The following PAH variants were observed in gnomAD, a reference collection of about 807,000 sequenced individuals.
PAH encodes phenylalanine-4-hydroxylase.
A neutral mutation model predicts 62.0 loss-of-function variants in PAH; 64 were observed. That is an observed-to-expected ratio of 1.03 (90% CI 0.84 to 1.27). The LOEUF is 1.27. Ranked by LOEUF, PAH falls within the 50% of genes most tolerant of loss-of-function variation. The probability of loss-of-function intolerance (pLI) is 0.00; values close to 1 mark genes in which losing one functional copy is unlikely to be tolerated. For synonymous variants in PAH, 195 were observed against 196.2 expected (o/e 0.99, Z 0.05); for missense variants, 579 against 542.8 (o/e 1.07, Z -0.66).
In PAH at chr12:102,912,779, T is replaced by G. The variant is rs752249311; in HGVS notation, c.168+12A>C. 1 of 1,552,338 alleles carries G rather than the reference T, an allele frequency of 6.4e-7. No individual in the cohort carries two copies. The highest frequency in any genetic ancestry group is 2.2e-5 in the East Asian group (1 of 44,516). On this transcript the variant is annotated intron_variant, in intron 2 of 12. Transcript: ENST00000553106. Reference sequence around the variant, plus strand: ...CGACATTATCCAAGACAAACATGATTGTAGCACTGACCTCAAATAAGCGCA... The same window carrying G: ...CGACATTATCCAAGACAAACATGATGGTAGCACTGACCTCAAATAAGCGCA...
chr12:102,884,292 G>A (rs1184540202), intron 3 of PAH, among the ~76,000 whole-genome samples: 1 of 152,172 alleles, frequency 6.6e-6, no homozygotes, highest in African/African-American at 2.4e-5. Context: ...GGGGACTGGG[G>A]GTCGATCCCT....
upstream of PAH, chr12:102,953,384 A>T (rs1159763595): frequency 1.3e-5 from 2 of 152,232 alleles, no homozygotes; most frequent in Non-Finnish European, 2.9e-5. Flanking sequence ...GAAAGCATAA[A>T]TTGGTTTTCA....
rs1428399962 is a variant in PAH at position 102,861,920 on chromosome 12, G to A, written c.509+4676C>T. Among the ~76,000 whole-genome samples the A allele has an allele frequency of 5.6e-5, 8 of 142,428 alleles. No individual in the cohort carries two copies. In the South Asian group the frequency reaches 8.9e-4, roughly 16 times the overall value. The allele number at this position is 142,428 out of a possible 152,430, so 93.4% of individuals were successfully genotyped here. On this transcript the variant is annotated intron_variant, in intron 5 of 12. Coordinates refer to ENST00000553106, the MANE Select transcript of PAH (RefSeq NM_000277.3). The stretch of plus-strand genomic sequence containing the variant: ...ACCAACATGGCACATGTATACATAT[G>A]TAACAAACCTGCACGTTGTGCACAT...
rs62508739 is a variant in PAH, at chr12:102,851,743, C to T, written c.856G>A (p.Glu286Lys). Residue 286 changes from glutamate to lysine, a missense_variant, in exon 8 of 13, where the codon GAG (glutamate) becomes AAG (lysine). Glu to Lys is a moderately conservative substitution (Grantham distance 56). Transcript: ENST00000553106. ...AACAAGGGCACATGTCCCAACAGCT[C>T]ATGGCAGATGTCACTGAAAGACAGA... ...MYTPEPDICH[E>K]LLGHVPLFSD... The T allele has an allele frequency of 6.2e-7, 1 of 1,614,032 alleles. No homozygotes were observed. Among genetic ancestry groups the T allele is most frequent in the East Asian group, 2.2e-5 (1 of 44,872 alleles).
At chr12:102,921,380 T>C (rs550179666), upstream of PAH, among the ~76,000 whole-genome samples, 1 of 152,342 alleles carries the variant, frequency 6.6e-6, no homozygotes, top group Admixed American at 6.5e-5. Flanking sequence ...CTTGTAGATT[T>C]GTTGCAATAA....
intron 5 of PAH, among the ~76,000 whole-genome samples, chr12:102,865,620 A>G (rs1334871702): frequency 6.6e-6 from 1 of 152,178 alleles, no homozygotes; most frequent in Non-Finnish European, 1.5e-5. Flanking sequence ...GAGTCAGGAA[A>G]GGGAGGTCAC....
At chr12:102,845,500 T>C (rs1200962670) in intron 9 of PAH, among the ~76,000 whole-genome samples, 1 of 152,208 alleles carries the variant, frequency 6.6e-6, no homozygotes, top group Non-Finnish European at 1.5e-5. Flanking sequence ...ACTGCATTTA[T>C]GCAAATAACC....
At position 102,877,248 on chromosome 12, in the gene PAH, A is replaced by T. The variant is rs12301066; in HGVS notation, c.441+214T>A. ...TAGAGACAATAGTTTCTGGACAGTG[A>T]TTTATATTTGCTCCTACAAAAATAA... On this transcript the variant is annotated intron_variant, in intron 4 of 12. Transcript: ENST00000553106. 3.9e-3 allele frequency: 2,373 copies of T among 611,434 alleles called. 45 individuals are homozygous for T. The highest frequency in any genetic ancestry group is 0.039 in the African/African-American group (2,110 of 54,688). The allele number at this position is 611,434 out of a possible 1,614,324, so 37.9% of individuals were successfully genotyped here.
intron 10 of PAH, 141 bp from the exon 11 acceptor site, chr12:102,843,920 T>C (rs1874711983): frequency 1.1e-6 from 1 of 919,440 alleles, no homozygotes; most frequent in South Asian, 1.4e-5. Flanking sequence ...GTGAGCCAAA[T>C]TACTTTGCAC....
chr12:102,889,534 G>A (rs952067787), intron 3 of PAH, among the ~76,000 whole-genome samples: 10 of 150,552 alleles, frequency 6.6e-5, no homozygotes, highest in Admixed American at 1.3e-4. Context: ...ATAGATAGAC[G>A]GATAGATAGA....
In PAH at chr12:102,922,937, G is replaced by A. The variant is rs139097713; in HGVS notation, c.-95-5712C>T. On this transcript the variant is annotated intron_variant, in intron 1 of 3. Coordinates refer to the PAH transcript ENST00000546844. ...ACCAGATATAAATTGGACTGTCTCC[G>A]TTAAACGGTTATGTATGGTCTATCA... is the stretch of plus-strand genomic sequence containing the variant. 5.9e-3 allele frequency among the ~76,000 whole-genome samples: 891 copies of A among 152,256 alleles called. 2 individuals are homozygous for A. The highest frequency in any genetic ancestry group is 0.011 in the African/African-American group (454 of 41,544).
At chr12:102,866,977 T>C (rs377001197) in intron 4 of PAH, among the ~76,000 whole-genome samples, 203 of 152,340 alleles carry the variant, frequency 1.3e-3, no homozygotes, top group African/African-American at 4.7e-3. Context: ...GTTCATAGGA[T>C]GGATGTCTAT....
chr12:102,847,024 A>G, intron 8 of PAH, 73 bp from the exon 9 acceptor site: 1 of 1,300,990 alleles, frequency 7.7e-7, no homozygotes, highest in Non-Finnish European at 1.1e-6. Context: ...GTACTTGGCC[A>G]TAAAAAGGTG....
intron 4 of PAH, among the ~76,000 whole-genome samples, chr12:102,874,361 C>T (rs183408540): frequency 6.6e-6 from 1 of 152,286 alleles, no homozygotes; most frequent in Admixed American, 6.5e-5. Flanking sequence ...CAGTCAACAC[C>T]CCTTCTCTCT....
At chr12:102,884,536 G>C (rs61942040) in intron 3 of PAH, among the ~76,000 whole-genome samples, 1 of 152,052 alleles carries the variant, frequency 6.6e-6, no homozygotes, top group African/African-American at 2.4e-5. Context: ...TAATTCCTGC[G>C]TCTCTGGCTT....
Position 102,863,906 on chromosome 12 carries a change from C to T in PAH, c.509+2690G>A, listed in dbSNP as rs191482520. 1.9e-3 allele frequency among the ~76,000 whole-genome samples: 287 copies of T among 152,234 alleles called. 2 individuals are homozygous for T. Among genetic ancestry groups the T allele is most frequent in the Admixed American group, 2.7e-3 (42 of 15,276 alleles). ...AGCCCAACTTCCACTCCAGTAATAT[C>T]ATCAAAACCTGCTGTAGCAGCCTTC... On this transcript the variant is annotated intron_variant, in intron 5 of 12. Coordinates refer to ENST00000553106, the MANE Select transcript of PAH (RefSeq NM_000277.3).
intron 3 of PAH, among the ~76,000 whole-genome samples, chr12:102,884,310 C>G (rs1876941104): frequency 6.6e-6 from 1 of 152,190 alleles, no homozygotes; most frequent in Non-Finnish European, 1.5e-5. Context: ...CCTGATGTGG[C>G]TCACTTCCCA....
In PAH at chr12:102,894,829, AC is replaced by A; in HGVS notation, c.257del (p.Arg86LeufsTer6). 1 of 1,613,882 alleles carries A rather than the reference AC, an allele frequency of 6.2e-7. No individual in the cohort carries two copies. Among genetic ancestry groups the A allele is most frequent in the Non-Finnish European group, 8.5e-7 (1 of 1,179,786 alleles). ...EYEFFTHLDK[R>X]SLPALTNIIK... ...TGATGTTTGTCAGAGCAGGCAGGCTACGTTTATCCAAATGGGTGAAAAATTC... is the reference window on the plus strand; with the variant it reads ...TGATGTTTGTCAGAGCAGGCAGGCTAGTTTATCCAAATGGGTGAAAAATTC... On this transcript the variant is annotated frameshift_variant, in exon 3 of 13. Coordinates refer to ENST00000553106, the MANE Select transcript of PAH (RefSeq NM_000277.3). LOFTEE classifies it high-confidence loss of function.
At chr12:102,873,770 G>T (rs1876455755) in intron 4 of PAH, among the ~76,000 whole-genome samples, 1 of 152,170 alleles carries the variant, frequency 6.6e-6, no homozygotes, top group South Asian at 2.1e-4. Flanking sequence ...ATTAAAAAGA[G>T]TTCCGTGGGT....
Sources: allele counts gnomAD v4.1 joint callset (sites outside exome capture counted in the v4.1 genomes callset), GRCh38; gene constraint gnomAD v4.1.1; transcripts MANE v1.5; gene names NCBI Gene and HGNC (gene_info 2026-07-23, HGNC 2026-07-21).